The following CTNND2 variants were observed in gnomAD, a reference collection of about 807,000 sequenced individuals.
CTNND2 encodes the protein catenin delta 2.
Under a neutral mutation model 144.4 loss-of-function variants are expected in CTNND2, and 22 were observed. The ratio of observed to expected loss-of-function variants is 0.15; its 90% CI spans 0.11 to 0.22. The LOEUF is 0.22. CTNND2 is among the 10% of genes least tolerant of loss of function. The pLI, the probability that CTNND2 is intolerant of heterozygous loss-of-function variation, is 1.00. For missense variants in CTNND2, 1,353 were observed against 1,618.8 expected (o/e 0.84, Z 2.82); for synonymous variants, 751 against 695.6 (o/e 1.08, Z -1.25).
At chr5:11,033,698 C>T (rs1362192514) in intron 16 of CTNND2, among the ~76,000 whole-genome samples, 5 of 151,948 alleles carry the variant, frequency 3.3e-5, no homozygotes, top group East Asian at 3.9e-4. Flanking sequence ...GGTGCAGTGG[C>T]GGGAGCCTGT....
At chr5:11,355,505 A>C (rs1580998415) in intron 8 of CTNND2, among the ~76,000 whole-genome samples, 1 of 152,160 alleles carries the variant, frequency 6.6e-6, no homozygotes. Context: ...AATTAGGTAT[A>C]GAAAGTGTGT....
At chr5:11,760,294 T>C (rs116117443) in intron 1 of CTNND2, among the ~76,000 whole-genome samples, 3,043 of 152,190 alleles carry the variant, frequency 0.02, 88 homozygotes, top group African/African-American at 0.07. Context: ...CAGCCCCTCA[T>C]TGCACCTGTG....
chr5:11,614,791 C>G (rs1306650418), intron 2 of CTNND2, among the ~76,000 whole-genome samples: 5 of 152,188 alleles, frequency 3.3e-5, no homozygotes, highest in African/African-American at 1.2e-4. Context: ...AGAGTCCAGA[C>G]AGGGGAGCCA....
intron 9 of CTNND2, among the ~76,000 whole-genome samples, chr5:11,240,070 C>G (rs899580964): frequency 2.0e-5 from 3 of 152,038 alleles, no homozygotes; most frequent in Non-Finnish European, 4.4e-5. Flanking sequence ...ACCAGTGACT[C>G]TCAGAAGAGC....
intron 1 of CTNND2, among the ~76,000 whole-genome samples, chr5:11,736,612 G>C (rs1395384540): frequency 6.6e-6 from 1 of 152,160 alleles, no homozygotes; most frequent in Non-Finnish European, 1.5e-5. Flanking sequence ...GATGGCCTTA[G>C]GGTAAGTATA....
At chr5:11,143,493 C>T (rs1243485423) in intron 12 of CTNND2, among the ~76,000 whole-genome samples, 3 of 152,180 alleles carry the variant, frequency 2.0e-5, no homozygotes, top group African/African-American at 7.2e-5. Flanking sequence ...GGACCCTGAT[C>T]TCTGCCTTCA....
chr5:11,840,099 G>GA (rs1020189841), intron 1 of CTNND2, among the ~76,000 whole-genome samples: 7 of 150,868 alleles, frequency 4.6e-5, no homozygotes, highest in East Asian at 1.9e-4. Context: ...TATTCATTAG[G>GA]AAAAAAAAAT....
At chr5:11,233,369 T>A (rs1016360076) in intron 10 of CTNND2, among the ~76,000 whole-genome samples, 2 of 152,320 alleles carry the variant, frequency 1.3e-5, no homozygotes, top group African/African-American at 4.8e-5. Context: ...AAGAAAGGCA[T>A]GATTTATGAC....
chr5:11,320,825 CA>C (rs1344891765), intron 9 of CTNND2, among the ~76,000 whole-genome samples: 1 of 152,092 alleles, frequency 6.6e-6, no homozygotes, highest in African/African-American at 2.4e-5. Flanking sequence ...GACACAAAGC[CA>C]AACATATCAA....
chr5:11,415,870 AG>A (rs1761898028), intron 3 of CTNND2, among the ~76,000 whole-genome samples: 1 of 152,164 alleles, frequency 6.6e-6, no homozygotes, highest in African/African-American at 2.4e-5. Flanking sequence ...AATAAGCATG[AG>A]GTCTTCATGC....
rs1470651268 is a variant in CTNND2 at position 10,972,087 on chromosome 5, G to C, written c.*1366C>G. On this transcript the variant is annotated 3_prime_UTR_variant, in exon 22 of 22. Transcript: ENST00000304623. ...ATGAACAAAAAGTTTGGGGGAATAAGGCGAGCAGTTTACATTTTCTGTGGA... is the reference window on the plus strand; with the variant it reads ...ATGAACAAAAAGTTTGGGGGAATAACGCGAGCAGTTTACATTTTCTGTGGA... The C allele has an allele frequency of 6.6e-6, 1 of 152,618 alleles. No individual in the cohort carries two copies. The highest frequency in any genetic ancestry group is 1.5e-5 in the Non-Finnish European group (1 of 68,050). 9.5% of individuals were successfully genotyped at this position (152,618 alleles called of 1,614,324 possible).
chr5:11,218,412 T>C (rs1739441301), intron 10 of CTNND2, among the ~76,000 whole-genome samples: 4 of 152,192 alleles, frequency 2.6e-5, no homozygotes. Flanking sequence ...CATATCAGAG[T>C]ATCTTTTATC....
intron 5 of CTNND2, among the ~76,000 whole-genome samples, chr5:11,400,758 C>G (rs1212797170): frequency 6.6e-6 from 1 of 152,104 alleles, no homozygotes; most frequent in African/African-American, 2.4e-5. Flanking sequence ...ACACAGCAAC[C>G]TGTGAAAAAA....
intron 5 of CTNND2, among the ~76,000 whole-genome samples, chr5:11,405,634 T>C (rs1761029951): frequency 6.6e-6 from 1 of 152,080 alleles, no homozygotes; most frequent in African/African-American, 2.4e-5. Context: ...AGAAATACTT[T>C]CTGGAATGGA....
At chr5:11,603,708 T>C (rs1263655266) in intron 2 of CTNND2, among the ~76,000 whole-genome samples, 3 of 152,230 alleles carry the variant, frequency 2.0e-5, no homozygotes, top group Non-Finnish European at 4.4e-5. Context: ...CAGAGAAGTC[T>C]ATTATACAGT....
intron 1 of CTNND2, among the ~76,000 whole-genome samples, chr5:11,873,870 C>T (rs1024947002): frequency 2.0e-5 from 3 of 152,114 alleles, no homozygotes; most frequent in African/African-American, 7.2e-5. Context: ...CATCCCAAAG[C>T]GGGACCAGCT....
chr5:10,977,093 G>C (rs1173784744), intron 21 of CTNND2, among the ~76,000 whole-genome samples: 3 of 152,120 alleles, frequency 2.0e-5, no homozygotes, highest in Non-Finnish European at 4.4e-5. Flanking sequence ...CATTGGCACA[G>C]AGGTAAAAAA....
intron 1 of CTNND2, among the ~76,000 whole-genome samples, chr5:11,866,027 G>T (rs1030091220): frequency 6.6e-6 from 1 of 152,034 alleles, no homozygotes; most frequent in Non-Finnish European, 1.5e-5. Flanking sequence ...AGAGGAACAG[G>T]TGTAGTGGCT....
At chr5:11,426,016 G>A (rs2149863088) in intron 3 of CTNND2, among the ~76,000 whole-genome samples, 1 of 152,236 alleles carries the variant, frequency 6.6e-6, no homozygotes, top group Non-Finnish European at 1.5e-5. Flanking sequence ...ATTAGGTCAG[G>A]TTAGCCAGAA....
Sources: allele counts gnomAD v4.1 joint callset (sites outside exome capture counted in the v4.1 genomes callset), GRCh38; gene constraint gnomAD v4.1.1; transcripts MANE v1.5; gene names NCBI Gene and HGNC (gene_info 2026-07-23, HGNC 2026-07-21).